The following SH3BGRL2 variants were observed in gnomAD, a reference collection of about 807,000 sequenced individuals.
SH3BGRL2 encodes SH3 domain-binding glutamic acid-rich-like protein 2.
SH3BGRL2 carries 21 observed loss-of-function variants against 14.8 expected under a neutral mutation model. The observed-to-expected ratio is 1.42, with a 90% CI of 1.01 to 2.05. SH3BGRL2 has a LOEUF of 2.05. Ranked by LOEUF, SH3BGRL2 falls within the 30% of genes most tolerant of loss-of-function variation. The pLI is 0.00. For missense variants in SH3BGRL2, 147 were observed against 130.8 expected (o/e 1.12, Z -0.61); for synonymous variants, 50 against 47.8 (o/e 1.05, Z -0.19).
chr6:79,616,818 G>A, the SH3BGRL2 span, among the ~76,000 whole-genome samples: 1 of 152,102 alleles, frequency 6.6e-6, no homozygotes, highest in East Asian at 1.9e-4. Context: ...CTCTGCTCAG[G>A]GGTTCAGGGA....
At chr6:79,540,383 C>G in the SH3BGRL2 span, among the ~76,000 whole-genome samples, 2 of 151,722 alleles carry the variant, frequency 1.3e-5, no homozygotes, top group Non-Finnish European at 2.9e-5. Context: ...TGCAGTGAGC[C>G]GAGATCGCGC....
At chr6:79,664,613 A>G (rs772170557) in intron 1 of SH3BGRL2, among the ~76,000 whole-genome samples, 11 of 152,248 alleles carry the variant, frequency 7.2e-5, no homozygotes, top group Middle Eastern at 3.4e-3. Context: ...TCACAGACCA[A>G]CCAGTGTCCC....
intron 1 of SH3BGRL2, among the ~76,000 whole-genome samples, chr6:79,666,679 C>T (rs1411015532): frequency 6.6e-6 from 1 of 152,078 alleles, no homozygotes; most frequent in Non-Finnish European, 1.5e-5. Flanking sequence ...TTCCTTAATC[C>T]AGTCCAGGCC....
rs537396536 is a variant in SH3BGRL2, at chr6:79,631,524, G to T, written c.45+18G>T. ...TCGTGGCGGTGAGCGCGGTGGGGGC[G>T]GGCAGTAGGTTGGGGTCGCGGGGCG... is the stretch of plus-strand genomic sequence containing the variant. On this transcript the variant is annotated intron_variant, in intron 1 of 3. Coordinates refer to ENST00000369838, the MANE Select transcript of SH3BGRL2 (RefSeq NM_031469.4). 1 of 1,450,410 alleles carries T rather than the reference G, an allele frequency of 6.9e-7. No homozygotes were observed. Among genetic ancestry groups the T allele is most frequent in the Non-Finnish European group, 9.1e-7 (1 of 1,095,166 alleles). The allele number at this position is 1,450,410 out of a possible 1,614,324, so 89.8% of individuals were successfully genotyped here.
At chr6:79,579,329 C>T in the SH3BGRL2 span, among the ~76,000 whole-genome samples, 1 of 152,082 alleles carries the variant, frequency 6.6e-6, no homozygotes, top group African/African-American at 2.4e-5. Context: ...AGAAGAGCAA[C>T]TCCAAGACGC....
At chr6:79,550,008 C>T in the SH3BGRL2 span, among the ~76,000 whole-genome samples, 2 of 152,084 alleles carry the variant, frequency 1.3e-5, no homozygotes, top group South Asian at 2.1e-4. Context: ...TGAGGAAATA[C>T]GCTAAAATCT....
rs187526249 is a variant in SH3BGRL2, at chr6:79,664,826, A to T, written c.46-8788A>T. Among the ~76,000 whole-genome samples the T allele has an allele frequency of 5.9e-5, 9 of 152,350 alleles. No homozygotes were observed. The East Asian group carries it at 1.7e-3, about 29-fold the overall frequency. On this transcript the variant is annotated intron_variant, in intron 1 of 3. Transcript: ENST00000369838. ...AATATTTCATTTGAAAGACTTTAGG[A>T]GACAAGATTTAGAAAAATCTGTGTA... is the stretch of plus-strand genomic sequence containing the variant.
intron 2 of SH3BGRL2, among the ~76,000 whole-genome samples, chr6:79,675,746 A>T (rs570205257): frequency 1.3e-5 from 2 of 152,196 alleles, no homozygotes; most frequent in East Asian, 3.9e-4. Flanking sequence ...CTTTTAAATA[A>T]TGTTGTATTT....
At chr6:79,645,369 G>T (rs1276538919) in intron 1 of SH3BGRL2, among the ~76,000 whole-genome samples, 1 of 152,062 alleles carries the variant, frequency 6.6e-6, no homozygotes, top group East Asian at 1.9e-4. Context: ...ACATAACCTG[G>T]ATTTCCCATT....
At chr6:79,546,840 C>T in the SH3BGRL2 span, among the ~76,000 whole-genome samples, 11 of 151,886 alleles carry the variant, frequency 7.2e-5, no homozygotes, top group East Asian at 3.9e-4. Flanking sequence ...CCACCATGCC[C>T]GGCTAATTTT....
chr6:79,642,816 A>G (rs1024214197), intron 1 of SH3BGRL2, among the ~76,000 whole-genome samples: 1 of 152,180 alleles, frequency 6.6e-6, no homozygotes, highest in African/African-American at 2.4e-5. Flanking sequence ...GGGACAGTGA[A>G]GGGCCAGGAT....
chr6:79,620,331 T>A, the SH3BGRL2 span, among the ~76,000 whole-genome samples: 1 of 152,108 alleles, frequency 6.6e-6, no homozygotes. Flanking sequence ...TTTGCCTGAT[T>A]TCCTTCCGAC....
the SH3BGRL2 span, among the ~76,000 whole-genome samples, chr6:79,613,975 T>C: frequency 6.6e-6 from 1 of 151,880 alleles, no homozygotes; most frequent in Non-Finnish European, 1.5e-5. Context: ...GGAAGGTGAG[T>C]TTGGGGCATT....
chr6:79,577,005 A>G, the SH3BGRL2 span, among the ~76,000 whole-genome samples: 1 of 152,180 alleles, frequency 6.6e-6, no homozygotes, highest in African/African-American at 2.4e-5. Flanking sequence ...TAAATTTAGT[A>G]TCCATTTTAG....
intron 1 of SH3BGRL2, among the ~76,000 whole-genome samples, chr6:79,662,903 C>T (rs1769582475): frequency 6.6e-6 from 1 of 152,118 alleles, no homozygotes; most frequent in Non-Finnish European, 1.5e-5. Context: ...ATTTTATCTT[C>T]AATCACTGAT....
chr6:79,681,631 A>T (rs537574891), intron 2 of SH3BGRL2, among the ~76,000 whole-genome samples: 5 of 152,308 alleles, frequency 3.3e-5, no homozygotes, highest in African/African-American at 1.2e-4. Flanking sequence ...CCATTTGTGG[A>T]GGCTCAGAAG....
chr6:79,587,765 A>G, the SH3BGRL2 span, among the ~76,000 whole-genome samples: 1 of 152,228 alleles, frequency 6.6e-6, no homozygotes, highest in African/African-American at 2.4e-5. Flanking sequence ...ATTTTTATGT[A>G]TATATAGAGG....
At chr6:79,572,744 C>T in the SH3BGRL2 span, among the ~76,000 whole-genome samples, 2 of 152,128 alleles carry the variant, frequency 1.3e-5, no homozygotes, top group African/African-American at 2.4e-5. Flanking sequence ...GGATTACAGG[C>T]GTGAGCCACT....
chr6:79,616,864 T>C, the SH3BGRL2 span, among the ~76,000 whole-genome samples: 2 of 152,166 alleles, frequency 1.3e-5, no homozygotes, highest in African/African-American at 4.8e-5. Context: ...TAGTAATTCA[T>C]ACACAAATTT....
Sources: allele counts gnomAD v4.1 joint callset (sites outside exome capture counted in the v4.1 genomes callset), GRCh38; gene constraint gnomAD v4.1.1; transcripts MANE v1.5; gene names NCBI Gene and HGNC (gene_info 2026-07-23, HGNC 2026-07-21).